The following TCF12 variants were observed in gnomAD, a reference collection of about 807,000 sequenced individuals.
The protein encoded by TCF12 is transcription factor 12.
TCF12 carries 45 observed loss-of-function variants against 86.0 expected under a neutral mutation model. That is an observed-to-expected ratio of 0.52 (90% CI 0.41 to 0.67). The LOEUF (loss-of-function observed/expected upper bound fraction) is 0.67. TCF12 is among the 30% of genes least tolerant of loss of function. TCF12 has a pLI of 0.00. For synonymous variants in TCF12, 330 were observed against 299.6 expected (o/e 1.10, Z -1.05); for missense variants, 881 against 859.9 (o/e 1.02, Z -0.31).
chr15:57,127,756 G>A (rs2051777698), intron 5 of TCF12, among the ~76,000 whole-genome samples: 1 of 152,170 alleles, frequency 6.6e-6, no homozygotes, highest in Non-Finnish European at 1.5e-5. Flanking sequence ...CATAGGAAGA[G>A]CTGTCCCTAC....
At chr15:57,170,068 A>G (rs916181942) in intron 6 of TCF12, among the ~76,000 whole-genome samples, 5 of 152,070 alleles carry the variant, frequency 3.3e-5, no homozygotes, top group Non-Finnish European at 7.4e-5. Context: ...TTTAACAACA[A>G]CTCATTTTGC....
intron 3 of TCF12, among the ~76,000 whole-genome samples, chr15:56,935,841 G>GTA (rs1392208996): frequency 2.6e-5 from 4 of 151,930 alleles, no homozygotes; most frequent in Admixed American, 6.6e-5. Context: ...ATTCTATCAT[G>GTA]TATATATATA....
rs577061236 is a variant in TCF12 at position 57,014,976 on chromosome 15, A to T, written c.149-48774A>T. ...TGAAGGGTCTGAGTCTGAGGAGGAG[A>T]TTATTATCAACAGTTACAAGTGCCT... is the stretch of plus-strand genomic sequence containing the variant. On this transcript the variant is annotated intron_variant, in intron 3 of 20. Coordinates refer to ENST00000333725, the MANE Select transcript of TCF12 (RefSeq NM_207037.2). 1.9e-3 allele frequency among the ~76,000 whole-genome samples: 283 copies of T among 151,454 alleles called. 1 individual carries two copies. Among genetic ancestry groups the T allele is most frequent in the African/African-American group, 6.6e-3 (273 of 41,272 alleles).
intron 20 of TCF12, among the ~76,000 whole-genome samples, chr15:57,284,497 G>A (rs1017484321): frequency 1.3e-5 from 2 of 152,146 alleles, no homozygotes; most frequent in Non-Finnish European, 2.9e-5. Flanking sequence ...GGCGTGAGCC[G>A]CTGAGCCCGG....
At chr15:56,929,354 T>G (rs2060148312) in intron 3 of TCF12, among the ~76,000 whole-genome samples, 1 of 152,230 alleles carries the variant, frequency 6.6e-6, no homozygotes, top group African/African-American at 2.4e-5. Context: ...TTTCATAAAC[T>G]GAAGCACAGA....
chr15:57,196,715 T>C (rs898582715), intron 7 of TCF12, among the ~76,000 whole-genome samples: 1 of 152,220 alleles, frequency 6.6e-6, no homozygotes, highest in African/African-American at 2.4e-5. Context: ...TTCATTTATA[T>C]TGATAAATTC....
At chr15:56,920,218 C>A (rs560118920) in intron 2 of TCF12, among the ~76,000 whole-genome samples, 3 of 152,052 alleles carry the variant, frequency 2.0e-5, no homozygotes, top group Non-Finnish European at 4.4e-5. Flanking sequence ...ACTTTAATGC[C>A]AGAGGGGTCA....
intron 3 of TCF12, among the ~76,000 whole-genome samples, chr15:57,000,119 A>G (rs939397086): frequency 3.9e-5 from 6 of 152,122 alleles, no homozygotes; most frequent in South Asian, 2.1e-4. Context: ...CTATACTTAA[A>G]ATCTGTGAGC....
chr15:57,196,416 G>T (rs1023655556), intron 7 of TCF12, among the ~76,000 whole-genome samples: 1 of 152,132 alleles, frequency 6.6e-6, no homozygotes, highest in Non-Finnish European at 1.5e-5. Context: ...CTCAGGGATC[G>T]TGGAACCAAT....
In TCF12 at chr15:57,056,155, T is replaced by TG. The variant is rs1351781869; in HGVS notation, c.149-7595_149-7594insG. Among the ~76,000 whole-genome samples, 9 of 95,804 alleles carry TG rather than the reference T, an allele frequency of 9.4e-5. No homozygotes were observed. In the South Asian group the frequency reaches 1.3e-3, roughly 14 times the overall value. 62.9% of individuals were successfully genotyped at this position (95,804 alleles called of 152,430 possible). A position where few individuals can be genotyped will look rare whatever the true frequency, so the allele number is the denominator to read the frequency against. On this transcript the variant is annotated intron_variant, in intron 3 of 20. Transcript: ENST00000333725. ...TGTGTGTGTGTGTGTGTGTGTGTGT[T>TG]TTGAGACAGAGTTTCTCTCTTGTTG...
intron 18 of TCF12, among the ~76,000 whole-genome samples, chr15:57,271,854 A>G (rs1480291129): frequency 6.6e-6 from 1 of 152,228 alleles, no homozygotes; most frequent in African/African-American, 2.4e-5. Context: ...TATGTATGTT[A>G]AAATGTATAT....
intron 3 of TCF12, among the ~76,000 whole-genome samples, chr15:57,060,695 T>C (rs2585110): frequency 0.09 from 13,703 of 152,252 alleles, 944 homozygotes; most frequent in Admixed American, 0.19. Flanking sequence ...GGAAAAATGT[T>C]ACTTCTCATC....
At chr15:57,269,123 G>T (rs1475468438) in intron 18 of TCF12, among the ~76,000 whole-genome samples, 2 of 152,036 alleles carry the variant, frequency 1.3e-5, no homozygotes, top group African/African-American at 4.8e-5. Flanking sequence ...TGACAGTGGG[G>T]TGTTAAAGTC....
intron 3 of TCF12, among the ~76,000 whole-genome samples, chr15:56,969,579 C>T (rs2062184736): frequency 1.3e-5 from 2 of 149,006 alleles, no homozygotes; most frequent in South Asian, 4.3e-4. Flanking sequence ...ATTCTGTCAC[C>T]CGGACTGGAG....
intron 6 of TCF12, among the ~76,000 whole-genome samples, chr15:57,189,022 C>T (rs2056838018): frequency 6.6e-6 from 1 of 152,194 alleles, no homozygotes; most frequent in African/African-American, 2.4e-5. Context: ...CTCCTGGGTT[C>T]AAGAGATCTT....
chr15:56,921,929 T>C (rs1718738291), intron 3 of TCF12, among the ~76,000 whole-genome samples: 1 of 152,020 alleles, frequency 6.6e-6, no homozygotes, highest in African/African-American at 2.4e-5. Flanking sequence ...TTTTTAATTA[T>C]GAAATTAGAG....
chr15:57,192,141 T>G lies in TCF12; in HGVS notation c.391-17T>G. 1 of 1,611,850 alleles carries G rather than the reference T, an allele frequency of 6.2e-7. No homozygotes were observed. The highest frequency in any genetic ancestry group is 8.5e-7 in the Non-Finnish European group (1 of 1,179,524). Reference sequence around the variant, plus strand: ...ATCAGCAGGAAAATAACTTGTTTCCTTGGCCTTATTTTATAGTCTAGTCTC... The same window carrying G: ...ATCAGCAGGAAAATAACTTGTTTCCGTGGCCTTATTTTATAGTCTAGTCTC... On this transcript the variant is annotated splice_polypyrimidine_tract_variant and intron_variant, in intron 6 of 20. Coordinates refer to ENST00000333725, the MANE Select transcript of TCF12 (RefSeq NM_207037.2).
chr15:57,197,152 C>CTT (rs138145337), intron 7 of TCF12, among the ~76,000 whole-genome samples: 4,772 of 87,162 alleles, frequency 0.055, 563 homozygotes, highest in East Asian at 0.28. Flanking sequence ...AGAACAGCTT[C>CTT]TTTTTTTTTT....
chr15:57,262,908 A>G (rs2060654613), intron 17 of TCF12, among the ~76,000 whole-genome samples: 1 of 152,196 alleles, frequency 6.6e-6, no homozygotes, highest in Non-Finnish European at 1.5e-5. Flanking sequence ...TTGTTCTTCT[A>G]AATACAAATG....
Sources: allele counts gnomAD v4.1 joint callset (sites outside exome capture counted in the v4.1 genomes callset), GRCh38; gene constraint gnomAD v4.1.1; transcripts MANE v1.5; gene names NCBI Gene and HGNC (gene_info 2026-07-23, HGNC 2026-07-21).